Variants in ADGRE2 observed in about 807,000 individuals in gnomAD.
ADGRE2 encodes the protein adhesion G protein-coupled receptor E2, also known as CD97 antigen.
A neutral mutation model predicts 100.8 loss-of-function variants in ADGRE2; 83 were observed. The observed-to-expected ratio is 0.82, with a 90% CI of 0.69 to 0.99. The LOEUF (loss-of-function observed/expected upper bound fraction) is 0.99. Ranked by LOEUF, ADGRE2 falls within the 50% of genes least tolerant of loss-of-function variation. The probability of loss-of-function intolerance (pLI) is 0.00; values close to 1 mark genes in which losing one functional copy is unlikely to be tolerated. For synonymous variants in ADGRE2, 355 were observed against 413.0 expected (o/e 0.86, Z 1.70); for missense variants, 814 against 1,035.7 (o/e 0.79, Z 2.94).
intron 5 of ADGRE2, among the ~76,000 whole-genome samples, chr19:14,770,427 T>A (rs1366776399): frequency 6.6e-6 from 1 of 152,120 alleles, no homozygotes; most frequent in Non-Finnish European, 1.5e-5. Context: ...GCTTCTTTTC[T>A]TTATACATGA....
rs1390114206 is a variant in ADGRE2 at position 14,776,876 on chromosome 19, G to A, written c.-120C>T. 9 of 1,533,816 alleles carry A rather than the reference G, an allele frequency of 5.9e-6. No individual in the cohort carries two copies. Among genetic ancestry groups the A allele is most frequent in the Admixed American group, 4.2e-5 (2 of 47,556 alleles). ...CCCGAGGCCAGGACTTTATAAAGGA[G>A]GGGGGGCGGACAGCCGCTGGCCCAG... On this transcript the variant is annotated 5_prime_UTR_variant, in exon 2 of 21. Transcript: ENST00000315576.
downstream of ADGRE2, among the ~76,000 whole-genome samples, chr19:14,729,276 C>T (rs1315379543): frequency 6.6e-6 from 1 of 152,134 alleles, no homozygotes; most frequent in Non-Finnish European, 1.5e-5. Flanking sequence ...CTGCCCTATG[C>T]ACTGAAGACT....
chr19:14,748,900 G>A (rs1035827129), intron 16 of ADGRE2, among the ~76,000 whole-genome samples: 6 of 151,938 alleles, frequency 3.9e-5, no homozygotes, highest in Non-Finnish European at 7.4e-5. Context: ...AATACTAGCC[G>A]ACCAAGTCCT....
chr19:14,765,784 C>A lies in ADGRE2; in HGVS notation c.655G>T (p.Gly219Trp), dbSNP rs1160749587. Residue 219 changes from glycine to tryptophan, a missense_variant, in exon 8 of 21, where the codon GGG becomes TGG. Around this residue, in one of 5 missense-constraint regions of ADGRE2, gnomAD observed 19 missense variants for 64.7 expected, o/e 0.29. Coordinates refer to ENST00000315576, the MANE Select transcript of ADGRE2 (RefSeq NM_013447.4). Reference protein sequence around the residue: ...VCEDVDECSSGQHQCDSSTVC... With the variant: ...VCEDVDECSSWQHQCDSSTVC... ...GTGGAGCTGTCACACTGATGCTGCC[C>A]GGAGCTGCACTCGTCCACATCTGAG... 6.2e-7 allele frequency: 1 copy of A among 1,613,394 alleles called. No homozygotes were observed. The highest frequency in any genetic ancestry group is 8.5e-7 in the Non-Finnish European group (1 of 1,179,432).
chr19:14,724,918 A>T, the ADGRE2 span, among the ~76,000 whole-genome samples: 1 of 152,204 alleles, frequency 6.6e-6, no homozygotes, highest in South Asian at 2.1e-4. Context: ...AATGTAGGCA[A>T]ATACCAAGCA....
At chr19:14,728,224 T>A (rs1221135139), downstream of ADGRE2, among the ~76,000 whole-genome samples, 1 of 152,214 alleles carries the variant, frequency 6.6e-6, no homozygotes. Context: ...AAAAAAAATT[T>A]TTTTTTCAGA....
At chr19:14,771,493 G>T (rs1368162542) in intron 5 of ADGRE2, among the ~76,000 whole-genome samples, 1 of 152,160 alleles carries the variant, frequency 6.6e-6, no homozygotes. Flanking sequence ...TGGAGCTGCA[G>T]TGTGGAATAA....
chr19:14,746,927 C>T lies in ADGRE2; in HGVS notation c.2060G>A (p.Gly687Asp), dbSNP rs772418492. ...GATGGCGCAGACAGGTCCAAGGAAG[C>T]CCCATATAAATCCCTTTTCTGGTTG... ...WLQPEKGFIW[G>D]FLGPVCAIFS... Residue 687 changes from glycine to aspartate, a missense_variant, in exon 17 of 21, where the codon GGC (glycine) becomes GAC (aspartate). Gly to Asp is a moderately conservative substitution (Grantham distance 94, BLOSUM62 -1). Coordinates refer to ENST00000315576, the MANE Select transcript of ADGRE2 (RefSeq NM_013447.4). 6.2e-7 allele frequency: 1 copy of T among 1,613,614 alleles called. No individual in the cohort carries two copies. The highest frequency in any genetic ancestry group is 8.5e-7 in the Non-Finnish European group (1 of 1,179,888).
downstream of ADGRE2, chr19:14,731,392 A>G (rs892484159): frequency 1.5e-5 from 9 of 592,524 alleles, no homozygotes; most frequent in Admixed American, 1.8e-4. Flanking sequence ...GCTTAGTCAC[A>G]TACTTCTGGC....
chr19:14,772,294 C>T (rs2044238962), intron 5 of ADGRE2, 48 bp downstream of exon 5: 1 of 1,611,314 alleles, frequency 6.2e-7, no homozygotes. Flanking sequence ...CTCTGGTGAC[C>T]CCAAACCTCA....
chr19:14,775,860 G>GAAAAA (rs3057586), intron 2 of ADGRE2, among the ~76,000 whole-genome samples: 51,369 of 106,578 alleles, frequency 0.48, 12,702 homozygotes, highest in Non-Finnish European at 0.53. Context: ...CTCCGCCTCA[G>GAAAAA]AAAAAAAAAA....
intron 11 of ADGRE2, among the ~76,000 whole-genome samples, chr19:14,764,165 C>T (rs193165858): frequency 1.3e-5 from 2 of 152,192 alleles, no homozygotes; most frequent in African/African-American, 4.8e-5. Flanking sequence ...TGGGCTCAAG[C>T]GATCCTCTCA....
chr19:14,764,621 G>A lies in ADGRE2; in HGVS notation c.907-11C>T. On this transcript the variant is annotated splice_polypyrimidine_tract_variant and intron_variant, in intron 10 of 20. Coordinates refer to ENST00000315576, the MANE Select transcript of ADGRE2 (RefSeq NM_013447.4). ...CGCCTGTAAGATGCTCTGGAGGGATGTGGACACAGACCTAGTGAGCCATGG... is the reference window on the plus strand; with the variant it reads ...CGCCTGTAAGATGCTCTGGAGGGATATGGACACAGACCTAGTGAGCCATGG... 6.2e-7 allele frequency: 1 copy of A among 1,607,576 alleles called. No homozygotes were observed. The highest frequency in any genetic ancestry group is 1.3e-5 in the African/African-American group (1 of 74,872).
At position 14,734,424 on chromosome 19, in the gene ADGRE2, G is replaced by GC. The variant is rs147361308; in HGVS notation, c.*1811dup. 0.012 allele frequency: 1,768 copies of GC among 152,302 alleles called. 28 individuals are homozygous for GC. Among genetic ancestry groups the GC allele is most frequent in the East Asian group, 0.067 (344 of 5,162 alleles). The allele number at this position is 152,302 out of a possible 1,614,324, so 9.4% of individuals were successfully genotyped here. A position where few individuals can be genotyped will look rare whatever the true frequency, so the allele number is the denominator to read the frequency against. On this transcript the variant is annotated 3_prime_UTR_variant, in exon 21 of 21. Coordinates refer to ENST00000315576, the MANE Select transcript of ADGRE2 (RefSeq NM_013447.4). ...TTCAAATACCTGGAGGGGGACTGAG[G>GC]CAGGAGGATTGCTTAGGCCTTGGGA...
intron 5 of ADGRE2, among the ~76,000 whole-genome samples, chr19:14,768,323 G>A (rs1568619880): frequency 6.6e-6 from 1 of 152,250 alleles, no homozygotes; most frequent in Non-Finnish European, 1.5e-5. Context: ...CATACAGCTG[G>A]GTTGCCCCAG....
chr19:14,747,876 G>A (rs968104713), intron 16 of ADGRE2, among the ~76,000 whole-genome samples: 2 of 152,084 alleles, frequency 1.3e-5, no homozygotes, highest in African/African-American at 2.4e-5. Context: ...TTTCATTGTG[G>A]ATATATTACG....
chr19:14,738,340 A>G (rs562378124), intron 20 of ADGRE2, among the ~76,000 whole-genome samples: 3 of 152,292 alleles, frequency 2.0e-5, no homozygotes, highest in African/African-American at 7.2e-5. Flanking sequence ...AGTGTTATCT[A>G]TTGTTAACCA....
intron 11 of ADGRE2, among the ~76,000 whole-genome samples, chr19:14,759,503 A>ATATATATATTTTTTT (rs60789454): frequency 6.7e-5 from 9 of 133,372 alleles, no homozygotes; most frequent in African/African-American, 2.7e-4. Context: ...ATATATATAT[A>ATATATATATTTTTTT]TTTTTTTTTT....
rs2147173990 is a variant in ADGRE2, at chr19:14,746,918, C to T, written c.2069G>A (p.Gly690Glu). The change falls in exon 17 of 21, where the codon GGA (glycine) becomes GAA (glutamate). Residue 690 changes from glycine to glutamate, a missense_variant. By Grantham distance (98) the Gly-to-Glu change is moderately conservative. Transcript: ENST00000315576. The part of the protein sequence containing the change: ...PEKGFIWGFL[G>E]PVCAIFSVNL... ...CACAGAGAAGATGGCGCAGACAGGT[C>T]CAAGGAAGCCCCATATAAATCCCTT... 1 of 1,613,690 alleles carries T rather than the reference C, an allele frequency of 6.2e-7. No individual in the cohort carries two copies. The highest frequency in any genetic ancestry group is 1.3e-5 in the African/African-American group (1 of 74,954).
Sources: gnomAD v4.1 joint callset for allele counts (sites outside exome capture counted in the v4.1 genomes callset) on GRCh38, gnomAD v4.1.1 for gene constraint, gnomAD v4.1.1 regional missense constraint, MANE v1.5 for transcripts, NCBI Gene and HGNC (gene_info 2026-07-23, HGNC 2026-07-21) for gene names.